IGDCC3: variants seen among roughly 807,000 people sequenced by gnomAD.
IGDCC3 encodes immunoglobulin superfamily DCC subclass member 3.
IGDCC3 carries 47 observed loss-of-function variants against 72.0 expected under a neutral mutation model. That is an observed-to-expected ratio of 0.65 (90% CI 0.52 to 0.83). IGDCC3 has a LOEUF of 0.83. Among genes scored for constraint, IGDCC3 ranks in the 40% least tolerant of loss-of-function variants. IGDCC3 has a pLI of 0.00. For synonymous variants in IGDCC3, 477 were observed against 472.8 expected (o/e 1.01, Z -0.11); for missense variants, 1,038 against 1,091.3 (o/e 0.95, Z 0.69).
chr15:65,346,931 G>A (rs1024213009), intron 2 of IGDCC3, among the ~76,000 whole-genome samples: 16 of 152,180 alleles, frequency 1.1e-4, no homozygotes, highest in African/African-American at 3.4e-4. Flanking sequence ...ACCAGCCAAT[G>A]GTGCAGGGTC....
rs781561070 is a variant in IGDCC3, at chr15:65,330,536, T to C, written c.1753+14A>G. On this transcript the variant is annotated intron_variant, in intron 10 of 13. Coordinates refer to ENST00000327987, the MANE Select transcript of IGDCC3 (RefSeq NM_004884.4). Reference sequence around the variant, plus strand: ...CTGCCAAGCCCCCTAGGCTCTGGGCTGTGTCTGCCTCACCGAGCTGGCTGA... The same window carrying C: ...CTGCCAAGCCCCCTAGGCTCTGGGCCGTGTCTGCCTCACCGAGCTGGCTGA... 1 of 1,611,614 alleles carries C rather than the reference T, an allele frequency of 6.2e-7. No homozygotes were observed. Among genetic ancestry groups the C allele is most frequent in the Non-Finnish European group, 8.5e-7 (1 of 1,178,712 alleles).
At chr15:65,367,713 AC>A (rs2140169413) in intron 2 of IGDCC3, among the ~76,000 whole-genome samples, 1 of 152,082 alleles carries the variant, frequency 6.6e-6, no homozygotes, top group South Asian at 2.1e-4. Flanking sequence ...TCAGTCCCTT[AC>A]AGGACCTAAT....
rs779941539 is a variant in IGDCC3, at chr15:65,328,967, C to T, written c.2387G>A (p.Gly796Asp). Residue 796 changes from glycine to aspartate, a missense_variant, in exon 14 of 14, where the codon GGC becomes GAC. Physicochemically the swap from Gly to Asp is moderately conservative, Grantham distance 94. Transcript: ENST00000327987. ...PDGGPGLLSE[G>D]QASRPAAARV... Reference sequence around the variant, plus strand: ...GGCCGCTGCAGGCCTGGAAGCCTGGCCTTCACTGAGGAGGCCAGGGCCTCC... The same window carrying T: ...GGCCGCTGCAGGCCTGGAAGCCTGGTCTTCACTGAGGAGGCCAGGGCCTCC... 1 of 1,593,564 alleles carries T rather than the reference C, an allele frequency of 6.3e-7. No homozygotes were observed. The highest frequency in any genetic ancestry group is 1.1e-5 in the South Asian group (1 of 88,514).
At chr15:65,355,611 C>G (rs1449062332) in intron 2 of IGDCC3, 1 of 276,834 alleles carries the variant, frequency 3.6e-6, no homozygotes, top group Admixed American at 3.8e-5. Flanking sequence ...TTGAAGTGGC[C>G]GCAGCTGCGC....
At position 65,329,217 on chromosome 15, in the gene IGDCC3, T is replaced by C; in HGVS notation, c.2206-69A>G. On this transcript the variant is annotated intron_variant, in intron 13 of 13. Coordinates refer to ENST00000327987, the MANE Select transcript of IGDCC3 (RefSeq NM_004884.4). This position sits in a 1 kb window ranked among gnomAD's most constrained non-coding sequence, Gnocchi z 4.1. Reference sequence around the variant, plus strand: ...GGCGCCAGGCTCCAACTCACCCCACTTGGGCCTTAGGGTCTCCAGGTCTCC... The same window carrying C: ...GGCGCCAGGCTCCAACTCACCCCACCTGGGCCTTAGGGTCTCCAGGTCTCC... 1 of 1,545,148 alleles carries C rather than the reference T, an allele frequency of 6.5e-7. No individual in the cohort carries two copies. Among genetic ancestry groups the C allele is most frequent in the East Asian group, 2.3e-5 (1 of 44,184 alleles).
intron 2 of IGDCC3, among the ~76,000 whole-genome samples, chr15:65,368,773 C>T (rs981660498): frequency 3.9e-5 from 6 of 152,072 alleles, no homozygotes; most frequent in African/African-American, 1.2e-4. Context: ...TCCTGCCCCG[C>T]GTGCATTATA....
In IGDCC3 at chr15:65,333,323, C is replaced by A; in HGVS notation, c.916G>T (p.Val306Phe). 1 of 1,613,316 alleles carries A rather than the reference C, an allele frequency of 6.2e-7. No homozygotes were observed. ...DVTVQHSGVY[V>F]CAANRPGTRV... ...GTGCCAGGTCTGTTGGCTGCACAGA[C>A]GTAGACGCCAGAGTGCTGGACCGTC... The change falls in exon 6 of 14, where the codon GTC (valine) becomes TTC (phenylalanine). Residue 306 changes from valine (V) to phenylalanine (F), a missense_variant. Coordinates refer to ENST00000327987, the MANE Select transcript of IGDCC3 (RefSeq NM_004884.4).
At chr15:65,347,566 G>A (rs187681453) in intron 2 of IGDCC3, among the ~76,000 whole-genome samples, 15 of 152,270 alleles carry the variant, frequency 9.9e-5, no homozygotes, top group African/African-American at 3.6e-4. Flanking sequence ...TTCCCAGATG[G>A]GTAAGGCATT....
intron 4 of IGDCC3, among the ~76,000 whole-genome samples, 157 bp downstream of exon 4, chr15:65,335,134 T>A (rs891708601): frequency 6.6e-6 from 1 of 152,008 alleles, no homozygotes; most frequent in Non-Finnish European, 1.5e-5. Flanking sequence ...AGCCTTAGAT[T>A]CCTGTGCACC....
At chr15:65,363,508 CG>C (rs1291709313) in intron 2 of IGDCC3, among the ~76,000 whole-genome samples, 1 of 152,230 alleles carries the variant, frequency 6.6e-6, no homozygotes, top group Non-Finnish European at 1.5e-5. Context: ...GCCCCAGAGT[CG>C]GCCCCGTGGG....
Position 65,377,693 on chromosome 15 carries a change from C to A in IGDCC3, c.96G>T (p.Pro32=). ...LPLLLLLLPA[P]SEGLGHSAEL... ...CGGGGCGCTTTCACTCACCCTCGCT[C>A]GGCGCGGGCAGCAGCAGCAACAGCA... The change falls in exon 1 of 14, where the codon CCG becomes CCT. Residue 32 remains proline, a synonymous_variant. Transcript: ENST00000327987. This position sits in a 1 kb window ranked among gnomAD's most constrained non-coding sequence, Gnocchi z 4.9. 1 of 1,425,846 alleles carries A rather than the reference C, an allele frequency of 7.0e-7. No individual in the cohort carries two copies. The highest frequency in any genetic ancestry group is 3.0e-5 in the East Asian group (1 of 33,478). 88.3% of individuals were successfully genotyped at this position (1,425,846 alleles called of 1,614,324 possible). A position where few individuals can be genotyped will look rare whatever the true frequency, so the allele number is the denominator to read the frequency against.
chr15:65,357,258 T>C (rs2091229937), intron 2 of IGDCC3, among the ~76,000 whole-genome samples: 1 of 152,174 alleles, frequency 6.6e-6, no homozygotes, highest in Non-Finnish European at 1.5e-5. Context: ...AAAGGAAGAA[T>C]GATATGCTTA....
intron 2 of IGDCC3, among the ~76,000 whole-genome samples, chr15:65,364,437 C>T (rs772129228): frequency 3.3e-5 from 5 of 152,292 alleles, no homozygotes; most frequent in South Asian, 2.1e-4. Flanking sequence ...TAGTTCTCTA[C>T]AAGAACCAGC....
In IGDCC3 at chr15:65,329,645, A is replaced by C. The variant is rs773836293; in HGVS notation, c.1998-48T>G. On this transcript the variant is annotated intron_variant, in intron 12 of 13. Coordinates refer to ENST00000327987, the MANE Select transcript of IGDCC3 (RefSeq NM_004884.4). This position sits in a 1 kb window ranked among gnomAD's most constrained non-coding sequence, Gnocchi z 4.1. ...GGGGAGGGAGAGAGAAAAGAGACAGAGGCAGTGAGCCCACACTCACCTTCT... is the reference window on the plus strand; with the variant it reads ...GGGGAGGGAGAGAGAAAAGAGACAGCGGCAGTGAGCCCACACTCACCTTCT... 1 of 1,610,974 alleles carries C rather than the reference A, an allele frequency of 6.2e-7. No homozygotes were observed. The highest frequency in any genetic ancestry group is 8.5e-7 in the Non-Finnish European group (1 of 1,177,540).
intron 4 of IGDCC3, 130 bp from the exon 5 acceptor site, chr15:65,334,995 G>A (rs1351447080): frequency 1.9e-5 from 21 of 1,112,376 alleles, no homozygotes; most frequent in Non-Finnish European, 2.5e-5. Context: ...TGGGCAGAGA[G>A]ATACCAGGAG....
At chr15:65,367,533 A>ATAC (rs2091295313) in intron 2 of IGDCC3, among the ~76,000 whole-genome samples, 1 of 151,602 alleles carries the variant, frequency 6.6e-6, no homozygotes, top group East Asian at 1.9e-4. Flanking sequence ...TATAATAATA[A>ATAC]TAAAATAAAA....
At chr15:65,332,522 C>T (rs1014912154) in intron 6 of IGDCC3, among the ~76,000 whole-genome samples, 6 of 152,170 alleles carry the variant, frequency 3.9e-5, no homozygotes, top group Non-Finnish European at 7.4e-5. Context: ...CATTCAATTC[C>T]GCTCTCCTCC....
chr15:65,355,861 T>G, intron 2 of IGDCC3: 1 of 355,918 alleles, frequency 2.8e-6, no homozygotes, highest in Admixed American at 2.8e-5. Context: ...CGCCACCCCC[T>G]CCCCCAGAGC....
rs1230273343 is a variant in IGDCC3, at chr15:65,327,772, T to A, written c.*1137A>T. 2 of 152,576 alleles carry A rather than the reference T, an allele frequency of 1.3e-5. No homozygotes were observed. The highest frequency in any genetic ancestry group is 4.8e-5 in the African/African-American group (2 of 41,460). 9.5% of individuals were successfully genotyped at this position (152,576 alleles called of 1,614,324 possible). The stretch of plus-strand genomic sequence containing the variant: ...ATCAGGCTGGCTGGGTGCCTGAGGC[T>A]GGGGCGCCTCTGCAGGGGACACCCA... On this transcript the variant is annotated 3_prime_UTR_variant, in exon 14 of 14. Coordinates refer to ENST00000327987, the MANE Select transcript of IGDCC3 (RefSeq NM_004884.4).
Sources: gnomAD v4.1 joint callset for allele counts (sites outside exome capture counted in the v4.1 genomes callset) on GRCh38, gnomAD v4.1.1 for gene constraint, Gnocchi (gnomAD v3.1) non-coding constraint, MANE v1.5 for transcripts, NCBI Gene and HGNC (gene_info 2026-07-23, HGNC 2026-07-21) for gene names.